The following RAG1 variants were observed in gnomAD, a reference collection of about 807,000 sequenced individuals.
The protein encoded by RAG1 is V(D)J recombination-activating protein 1.
RAG1 carries 35 observed loss-of-function variants against 62.7 expected under a neutral mutation model. That is an observed-to-expected ratio of 0.56 (90% CI 0.43 to 0.74). The LOEUF (loss-of-function observed/expected upper bound fraction) is 0.74. Among genes scored for constraint, RAG1 ranks in the 30% least tolerant of loss-of-function variants. RAG1 has a pLI of 0.00. For synonymous variants in RAG1, 461 were observed against 470.3 expected (o/e 0.98, Z 0.26); for missense variants, 1,169 against 1,278.6 (o/e 0.91, Z 1.31).
At chr11:36,543,242 G>A (rs1850338144) in intron 3 of RAG1, among the ~76,000 whole-genome samples, 1 of 152,176 alleles carries the variant, frequency 6.6e-6, no homozygotes, top group African/African-American at 2.4e-5. Flanking sequence ...CTGGTCATCT[G>A]ACTGTACCTC....
At chr11:36,529,329 A>T (rs1454620645) in intron 2 of RAG1, among the ~76,000 whole-genome samples, 1 of 152,114 alleles carries the variant, frequency 6.6e-6, no homozygotes, top group Non-Finnish European at 1.5e-5. Flanking sequence ...GGATGCAAGG[A>T]TGGTTCAACA....
chr11:36,525,844 G>T (rs1013332752), intron 2 of RAG1, among the ~76,000 whole-genome samples: 32 of 152,146 alleles, frequency 2.1e-4, no homozygotes, highest in African/African-American at 7.7e-4. Flanking sequence ...CATGTCATCT[G>T]CAAATAGAAA....
intron 3 of RAG1, among the ~76,000 whole-genome samples, chr11:36,543,768 T>C (rs1442115065): frequency 2.6e-5 from 4 of 152,234 alleles, no homozygotes; most frequent in African/African-American, 9.6e-5. Context: ...ATCAACCTTT[T>C]TGGGGGGAAC....
chr11:36,533,955 A>G (rs1158606787), intron 2 of RAG1, among the ~76,000 whole-genome samples: 1 of 152,040 alleles, frequency 6.6e-6, no homozygotes, highest in Non-Finnish European at 1.5e-5. Flanking sequence ...AAAGGCTTAC[A>G]CTTGATTCCT....
downstream of RAG1, among the ~76,000 whole-genome samples, chr11:36,538,405 C>G (rs1186324119): frequency 6.6e-6 from 1 of 152,146 alleles, no homozygotes; most frequent in Non-Finnish European, 1.5e-5. Flanking sequence ...AGCTTTCTTT[C>G]CAAATGCAAA....
chr11:36,511,812 A>G (rs541536003), intron 1 of RAG1, among the ~76,000 whole-genome samples: 74 of 152,322 alleles, frequency 4.9e-4, no homozygotes, highest in Non-Finnish European at 7.5e-4. Context: ...GAGAAAAGGA[A>G]GAGCAAGAGA....
intron 2 of RAG1, among the ~76,000 whole-genome samples, chr11:36,523,834 C>G (rs1306112472): frequency 6.6e-6 from 1 of 152,066 alleles, no homozygotes; most frequent in East Asian, 1.9e-4. Context: ...TCGGTTTCTA[C>G]CAATGGTAAC....
intron 3 of RAG1, among the ~76,000 whole-genome samples, chr11:36,544,973 T>C (rs1340896371): frequency 5.9e-5 from 9 of 152,220 alleles, no homozygotes; most frequent in Non-Finnish European, 1.3e-4. Context: ...ACCTCTTCTC[T>C]TTGTAAATTA....
chr11:36,548,855 C>T (rs903933081), intron 3 of RAG1, among the ~76,000 whole-genome samples: 5 of 152,170 alleles, frequency 3.3e-5, no homozygotes, highest in Non-Finnish European at 7.3e-5. Context: ...AGGCATCACC[C>T]TACCTGACTT....
intron 3 of RAG1, among the ~76,000 whole-genome samples, chr11:36,558,071 A>T (rs1850528972): frequency 6.6e-6 from 1 of 152,134 alleles, no homozygotes; most frequent in Admixed American, 6.5e-5. Flanking sequence ...AACATTTTAA[A>T]TTTTTAGTTT....
intron 1 of RAG1, among the ~76,000 whole-genome samples, chr11:36,515,844 A>G (rs1197774926): frequency 5.9e-5 from 9 of 152,184 alleles, no homozygotes; most frequent in Admixed American, 5.2e-4. Flanking sequence ...GAAATCTACA[A>G]AAGTTCTCCA....
intron 2 of RAG1, among the ~76,000 whole-genome samples, chr11:36,531,717 C>G (rs1398157838): frequency 6.6e-6 from 1 of 151,328 alleles, no homozygotes; most frequent in Non-Finnish European, 1.5e-5. Context: ...ATTTTAGTTA[C>G]CATGTGTTTT....
intron 3 of RAG1, among the ~76,000 whole-genome samples, chr11:36,548,809 G>A (rs533246835): frequency 6.6e-6 from 1 of 151,906 alleles, no homozygotes; most frequent in South Asian, 2.1e-4. Context: ...GAGCCCATAT[G>A]GTCAAGACAA....
At chr11:36,559,570 G>T (rs1032882698) in intron 3 of RAG1, among the ~76,000 whole-genome samples, 1 of 151,058 alleles carries the variant, frequency 6.6e-6, no homozygotes, top group Admixed American at 6.6e-5. Flanking sequence ...TCTTACTCTC[G>T]CTCTCTCTTT....
intron 1 of RAG1, among the ~76,000 whole-genome samples, chr11:36,518,486 A>T (rs944763415): frequency 4.2e-4 from 64 of 152,180 alleles, no homozygotes; most frequent in Non-Finnish European, 1.3e-4. Flanking sequence ...ATTTCTCCAC[A>T]TCCTCTCCAG....
rs1850836485 is a variant in RAG1, at chr11:36,575,750, G to A, written c.2446G>A (p.Gly816Arg). Reference protein sequence around the residue: ...EFYKIFQLEIGEVYKNPNASK... With the variant: ...EFYKIFQLEIREVYKNPNASK... ...CTACAAGATCTTCCAGCTAGAGATA[G>A]GGGAAGTGTATAAGAATCCCAATGC... The change falls in exon 2 of 2, where the codon GGG becomes AGG. Residue 816 changes from glycine to arginine, a missense_variant. Gly to Arg is a moderately radical substitution (Grantham distance 125). Coordinates refer to ENST00000299440, the MANE Select transcript of RAG1 (RefSeq NM_000448.3). This position sits in a 1 kb window ranked among gnomAD's most constrained non-coding sequence, Gnocchi z 4.1. 2 of 1,614,094 alleles carry A rather than the reference G, an allele frequency of 1.2e-6. No homozygotes were observed. The highest frequency in any genetic ancestry group is 2.2e-5 in the East Asian group (1 of 44,902).
Position 36,576,396 on chromosome 11 carries a change from T to G in RAG1, c.3092T>G (p.Ile1031Arg). 2.5e-6 allele frequency: 4 copies of G among 1,614,162 alleles called. No individual in the cohort carries two copies. The highest frequency in any genetic ancestry group is 3.4e-6 in the Non-Finnish European group (4 of 1,180,012). Residue 1031 changes from isoleucine to arginine, a missense_variant, in exon 2 of 2, where the codon ATA (isoleucine) becomes AGA (arginine). Around this residue, in one of 2 missense-constraint regions of RAG1, gnomAD observed 800 missense variants for 943.3 expected, o/e 0.85. Coordinates refer to ENST00000299440, the MANE Select transcript of RAG1 (RefSeq NM_000448.3). Reference sequence around the variant, plus strand: ...GCAAGCTTAGGGGACCCATTAGGCATAGAGGACTCTCTGGAAAGCCAAGAT... The same window carrying G: ...GCAAGCTTAGGGGACCCATTAGGCAGAGAGGACTCTCTGGAAAGCCAAGAT... The part of the protein sequence containing the change: ...PQASLGDPLG[I>R]EDSLESQDSM...
downstream of RAG1, among the ~76,000 whole-genome samples, chr11:36,540,459 C>T (rs899233552): frequency 1.3e-5 from 2 of 152,144 alleles, no homozygotes; most frequent in African/African-American, 4.8e-5. Flanking sequence ...GGCTGGAGTG[C>T]AGTGGCATGA....
upstream of RAG1, chr11:36,567,463 A>C (rs1209678888): frequency 6.6e-6 from 1 of 152,158 alleles, no homozygotes; most frequent in African/African-American, 2.4e-5. Context: ...TAATGTTTAA[A>C]CTTACAGTAG....
Sources: allele counts gnomAD v4.1 joint callset (sites outside exome capture counted in the v4.1 genomes callset), GRCh38; gene constraint gnomAD v4.1.1; regional missense constraint gnomAD v4.1.1; non-coding constraint Gnocchi (gnomAD v3.1); transcripts MANE v1.5; gene names NCBI Gene and HGNC (gene_info 2026-07-23, HGNC 2026-07-21).